The following KPNA7 variants were observed in gnomAD, a reference collection of about 807,000 sequenced individuals.
KPNA7 encodes the protein importin subunit alpha-8.
A neutral mutation model predicts 53.7 loss-of-function variants in KPNA7; 54 were observed. That is an observed-to-expected ratio of 1.01 (90% CI 0.81 to 1.26). The LOEUF (loss-of-function observed/expected upper bound fraction) is 1.26. Ranked by LOEUF, KPNA7 falls within the 50% of genes most tolerant of loss-of-function variation. KPNA7 has a pLI of 0.00. For missense variants in KPNA7, 640 were observed against 644.5 expected (o/e 0.99, Z 0.07); for synonymous variants, 276 against 259.3 (o/e 1.06, Z -0.62).
At chr7:99,210,957 A>G (rs1453791685), upstream of KPNA7, among the ~76,000 whole-genome samples, 1 of 151,974 alleles carries the variant, frequency 6.6e-6, no homozygotes, top group Non-Finnish European at 1.5e-5. Flanking sequence ...GTTTCTGACC[A>G]TACGAGATGG....
At position 99,190,277 on chromosome 7, in the gene KPNA7, C is replaced by CCTCCT. The variant is rs1789868270; in HGVS notation, c.637-1715_637-1714insAGGAG. On this transcript the variant is annotated intron_variant, in intron 6 of 10. Coordinates refer to ENST00000327442, the MANE Select transcript of KPNA7 (RefSeq NM_001145715.3). The stretch of plus-strand genomic sequence containing the variant: ...GCTTGAACCCAGGAGGCGGAGGTTG[C>CCTCCT]AGTGAGCTGAGATTGCACCACTGCA... 2.0e-5 allele frequency among the ~76,000 whole-genome samples: 3 copies of CCTCCT among 146,780 alleles called. No individual in the cohort carries two copies. In the Admixed American group the frequency reaches 2.1e-4, roughly 10 times the overall value.
chr7:99,203,110 A>ACC lies in KPNA7; in HGVS notation c.195_196dup (p.Val66GlyfsTer11). 6.4e-7 allele frequency: 1 copy of ACC among 1,551,522 alleles called. No individual in the cohort carries two copies. The highest frequency in any genetic ancestry group is 8.7e-7 in the Non-Finnish European group (1 of 1,146,978). On this transcript the variant is annotated frameshift_variant, in exon 3 of 11. Transcript: ENST00000327442. LOFTEE classifies it high-confidence loss of function. ...CTCTAAACACTACATACTGACCGCC[A>ACC]CCCCTTTGGCTGTTTTTTCAGAAGG...
At chr7:99,163,359 G>GTGTATATATATATA in the KPNA7 span, among the ~76,000 whole-genome samples, 104 of 66,362 alleles carry the variant, frequency 1.6e-3, no homozygotes, top group South Asian at 2.5e-3. Context: ...ATGAGTGTGT[G>GTGTATATATATATA]TATATATATA....
chr7:99,174,290 C>T (rs1798827490), intron 10 of KPNA7, among the ~76,000 whole-genome samples: 1 of 152,182 alleles, frequency 6.6e-6, no homozygotes, highest in Non-Finnish European at 1.5e-5. Context: ...TCTCCCATCA[C>T]CCCCAGATGG....
intron 6 of KPNA7, among the ~76,000 whole-genome samples, chr7:99,189,085 GTTTCC>G (rs1353160232): frequency 1.3e-5 from 2 of 152,138 alleles, no homozygotes; most frequent in Admixed American, 6.6e-5. Context: ...TTAGATGGAG[GTTTCC>G]TTTGTCTTTC....
the KPNA7 span, among the ~76,000 whole-genome samples, chr7:99,166,090 T>G: frequency 2.0e-5 from 3 of 152,110 alleles, no homozygotes; most frequent in Admixed American, 6.6e-5. Flanking sequence ...ATTGAAAATT[T>G]CCTGAGGCCT....
upstream of KPNA7, among the ~76,000 whole-genome samples, chr7:99,210,289 C>T (rs1791031428): frequency 1.3e-5 from 2 of 152,188 alleles, no homozygotes; most frequent in African/African-American, 4.8e-5. Flanking sequence ...TCTGCTTAAA[C>T]ATCTCTGAAA....
intron 4 of KPNA7, among the ~76,000 whole-genome samples, chr7:99,195,546 A>G (rs1386886364): frequency 6.6e-6 from 1 of 152,060 alleles, no homozygotes; most frequent in African/African-American, 2.4e-5. Context: ...TACTAAGAAT[A>G]TAAAAATTAG....
At chr7:99,187,401 T>G (rs13222381) in intron 7 of KPNA7, among the ~76,000 whole-genome samples, 79,318 of 151,506 alleles carry the variant, frequency 0.52, 22,677 homozygotes, top group East Asian at 0.67. Context: ...ATGGGTTGTT[T>G]TTTTTTTTAA....
chr7:99,163,384 T>TATATATATATATA, the KPNA7 span, among the ~76,000 whole-genome samples: 54 of 42,116 alleles, frequency 1.3e-3, no homozygotes, highest in Non-Finnish European at 1.8e-3. Context: ...TATATATATA[T>TATATATATATATA]TTTTTTTTTT....
intron 1 of KPNA7, among the ~76,000 whole-genome samples, chr7:99,214,209 C>A (rs1354789071): frequency 6.6e-6 from 1 of 151,574 alleles, no homozygotes; most frequent in African/African-American, 2.4e-5. Flanking sequence ...GTGGGCAGAT[C>A]CTCTGAGGTC....
the KPNA7 span, among the ~76,000 whole-genome samples, chr7:99,164,501 G>C: frequency 2.0e-5 from 3 of 152,150 alleles, no homozygotes; most frequent in Non-Finnish European, 2.9e-5. Flanking sequence ...GGTAGGGGTA[G>C]GGGGAGGGAT....
chr7:99,150,423 C>CTCTTTTTTTT, the KPNA7 span, among the ~76,000 whole-genome samples: 5 of 132,446 alleles, frequency 3.8e-5, 1 homozygote, highest in African/African-American at 5.7e-5. Context: ...TCATTCTTCT[C>CTCTTTTTTTT]TTTTTTTTGA....
downstream of KPNA7, among the ~76,000 whole-genome samples, chr7:99,170,973 G>C (rs1481555697): frequency 1.3e-5 from 2 of 152,090 alleles, no homozygotes; most frequent in Non-Finnish European, 2.9e-5. Context: ...GGCCAGGTGC[G>C]GTGGCTCACA....
At chr7:99,153,637 G>A in the KPNA7 span, among the ~76,000 whole-genome samples, 1 of 151,588 alleles carries the variant, frequency 6.6e-6, no homozygotes, top group Non-Finnish European at 1.5e-5. Flanking sequence ...TATATTTACT[G>A]AATGGAATGC....
intron 7 of KPNA7, 100 bp downstream of exon 7, chr7:99,188,200 C>CAAAAAAAAAAAAAAAA (rs1789728354): frequency 2.0e-6 from 1 of 493,846 alleles, no homozygotes; most frequent in African/African-American, 3.1e-5. Context: ...AAAAAAAAAG[C>CAAAAAAAAAAAAAAAA]AAAGACCAGG....
downstream of KPNA7, among the ~76,000 whole-genome samples, chr7:99,168,873 T>C (rs972311805): frequency 6.6e-6 from 1 of 152,124 alleles, no homozygotes; most frequent in East Asian, 1.9e-4. Context: ...CCCTTGACAT[T>C]AGTTTCCTTC....
upstream of KPNA7, among the ~76,000 whole-genome samples, chr7:99,212,457 A>G (rs1791101370): frequency 1.3e-5 from 2 of 151,340 alleles, no homozygotes; most frequent in South Asian, 2.1e-4. Context: ...GTTTCATCAT[A>G]TTGCTGAGCT....
chr7:99,219,382 A>C (rs1791291273), intron 1 of KPNA7, among the ~76,000 whole-genome samples: 1 of 152,200 alleles, frequency 6.6e-6, no homozygotes, highest in African/African-American at 2.4e-5. Context: ...CAGAAGGCTT[A>C]AAAGCTGCTG....
Sources: gnomAD v4.1 joint callset for allele counts (sites outside exome capture counted in the v4.1 genomes callset) on GRCh38, gnomAD v4.1.1 for gene constraint, MANE v1.5 for transcripts, NCBI Gene and HGNC (gene_info 2026-07-23, HGNC 2026-07-21) for gene names.